The following ITGA4 variants were observed in gnomAD, a reference collection of about 807,000 sequenced individuals.
ITGA4 encodes integrin alpha-4.
A neutral mutation model predicts 133.6 loss-of-function variants in ITGA4; 63 were observed. That is an observed-to-expected ratio of 0.47 (90% CI 0.38 to 0.58). The LOEUF (loss-of-function observed/expected upper bound fraction) is 0.58. ITGA4 is among the 20% of genes least tolerant of loss of function. ITGA4 has a pLI of 0.00. For synonymous variants in ITGA4, 483 were observed against 438.0 expected (o/e 1.10, Z -1.28); for missense variants, 1,076 against 1,252.7 (o/e 0.86, Z 2.13).
intron 15 of ITGA4, among the ~76,000 whole-genome samples, chr2:181,504,481 T>C (rs1313227523): frequency 6.6e-6 from 1 of 152,084 alleles, no homozygotes; most frequent in Non-Finnish European, 1.5e-5. Flanking sequence ...TTTAATGAAA[T>C]GTCATTTACT....
chr2:181,514,738 A>G (rs1460259652), intron 17 of ITGA4, among the ~76,000 whole-genome samples: 1 of 152,044 alleles, frequency 6.6e-6, no homozygotes, highest in Non-Finnish European at 1.5e-5. Context: ...ATCACCTTTC[A>G]TTGCAGTCTC....
Position 181,495,997 on chromosome 2 carries a change from A to G in ITGA4, c.1540+60A>G, listed in dbSNP as rs1049639743. 14 of 1,545,922 alleles carry G rather than the reference A, an allele frequency of 9.1e-6. No homozygotes were observed. Among genetic ancestry groups the G allele is most frequent in the Middle Eastern group, 1.7e-4 (1 of 5,868 alleles). On this transcript the variant is annotated intron_variant, in intron 14 of 27. Coordinates refer to ENST00000397033, the MANE Select transcript of ITGA4 (RefSeq NM_000885.6). The surrounding 1 kb of genome is among the most constrained non-coding windows in gnomAD (Gnocchi z 4.3). ...GTGCGGTTCATTCATTAATCCCACA[A>G]TCCTGCTTGGAGCCCTCACCGGTTT... is the stretch of plus-strand genomic sequence containing the variant.
chr2:181,485,458 A>G (rs1239616869), intron 9 of ITGA4, among the ~76,000 whole-genome samples: 2 of 150,000 alleles, frequency 1.3e-5, no homozygotes, highest in African/African-American at 4.9e-5. Flanking sequence ...TCAGTCATTT[A>G]TATGCTTGTG....
In ITGA4 at chr2:181,494,782, C is replaced by A. The variant is rs201487429; in HGVS notation, c.1309C>A (p.Gln437Lys). Residue 437 changes from glutamine (Q) to lysine (K), a missense_variant, in exon 12 of 28, where the codon CAA becomes AAA. By Grantham distance (53) the Gln-to-Lys change is moderately conservative. Transcript: ENST00000397033. ...TATGTTTGGACAGTCTATATCAGGA[C>A]AAATTGATGCAGATAATAATGGCTA... is the stretch of plus-strand genomic sequence containing the variant. ...LSMFGQSISG[Q>K]IDADNNGYVD... 1 of 1,585,330 alleles carries A rather than the reference C, an allele frequency of 6.3e-7. No homozygotes were observed. The highest frequency in any genetic ancestry group is 8.7e-7 in the Non-Finnish European group (1 of 1,154,100).
intron 17 of ITGA4, among the ~76,000 whole-genome samples, chr2:181,519,466 GA>G (rs1339050513): frequency 6.6e-6 from 1 of 151,956 alleles, no homozygotes; most frequent in African/African-American, 2.4e-5. Context: ...GTTTAAAATA[GA>G]AAAAAAGAGG....
At chr2:181,486,113 TAA>T in intron 10 of ITGA4, 121 bp downstream of exon 10, 1 of 1,343,600 alleles carries the variant, frequency 7.4e-7, no homozygotes. Flanking sequence ...AATGGCATGC[TAA>T]GTTTTTTCTT....
chr2:181,479,663 T>C (rs1685761175), intron 5 of ITGA4: 1 of 152,156 alleles, frequency 6.6e-6, no homozygotes, highest in African/African-American at 2.4e-5. Flanking sequence ...TGGACTTTTT[T>C]CCCTAAGCTA....
chr2:181,480,136 G>A lies in ITGA4; in HGVS notation c.625-1G>A. ...TAATAATAGTTTTTTTTTTCTTACA[G>A]GATTTAATTGTGATGGGGGCCCCAG... On this transcript the variant is annotated splice_acceptor_variant, in intron 5 of 27. Transcript: ENST00000397033. LOFTEE classifies it high-confidence loss of function. 3 of 1,538,104 alleles carry A rather than the reference G, an allele frequency of 2.0e-6. No individual in the cohort carries two copies. Among genetic ancestry groups the A allele is most frequent in the Non-Finnish European group, 2.6e-6 (3 of 1,148,474 alleles).
intron 14 of ITGA4, 117 bp downstream of exon 14, chr2:181,496,054 G>A (rs1378254065): frequency 9.8e-7 from 1 of 1,019,952 alleles, no homozygotes; most frequent in Non-Finnish European, 1.5e-6. Flanking sequence ...GAGCGGGGGA[G>A]AGAAGCTACC....
intron 2 of ITGA4, among the ~76,000 whole-genome samples, chr2:181,461,785 G>T (rs1277021239): frequency 6.6e-6 from 1 of 152,136 alleles, no homozygotes; most frequent in African/African-American, 2.4e-5. Flanking sequence ...ATAGTCTAAA[G>T]TTATACAATT....
chr2:181,522,219 G>GT lies in ITGA4; in HGVS notation c.1953dup (p.Gly652TrpfsTer14). 1 of 1,592,554 alleles carries GT rather than the reference G, an allele frequency of 6.3e-7. No homozygotes were observed. Among genetic ancestry groups the GT allele is most frequent in the Non-Finnish European group, 8.6e-7 (1 of 1,166,900 alleles). ...CCATGAAAATAAAACATATCTTGCTGTTGGGAGTATGAAGACATTGATGTT... is the reference window on the plus strand; with the variant it reads ...CCATGAAAATAAAACATATCTTGCTGTTTGGGAGTATGAAGACATTGATGTT... On this transcript the variant is annotated frameshift_variant, in exon 18 of 28. Coordinates refer to ENST00000397033, the MANE Select transcript of ITGA4 (RefSeq NM_000885.6). LOFTEE classifies it high-confidence loss of function.
chr2:181,513,027 G>A (rs986048939), intron 17 of ITGA4, among the ~76,000 whole-genome samples: 64 of 152,038 alleles, frequency 4.2e-4, no homozygotes, highest in African/African-American at 1.3e-3. Flanking sequence ...GCATTTCACT[G>A]TTCACTTCCT....
intron 1 of ITGA4, 123 bp downstream of exon 1, chr2:181,457,974 A>C (rs1685168807): frequency 8.7e-7 from 1 of 1,154,510 alleles, no homozygotes; most frequent in Non-Finnish European, 1.2e-6. Context: ...AAACGCTGCG[A>C]GAGCCAGCTC....
rs1559040133 is a variant in ITGA4 at position 181,475,322 on chromosome 2, ATAAG to A, written c.556+40_556+43del. ...TGATTTTGATACGAATTAGATAAAG[ATAAG>A]TAAGTGAATACCTTTTAGTGTTTTA... On this transcript the variant is annotated intron_variant, in intron 4 of 27. Transcript: ENST00000397033. 9 of 1,542,108 alleles carry A rather than the reference ATAAG, an allele frequency of 5.8e-6. No individual in the cohort carries two copies. In the East Asian group the frequency reaches 1.1e-4, roughly 19 times the overall value.
intron 17 of ITGA4, among the ~76,000 whole-genome samples, chr2:181,521,097 A>AT (rs1686710575): frequency 6.6e-6 from 1 of 152,106 alleles, no homozygotes; most frequent in East Asian, 1.9e-4. Context: ...CTAGGTGGAT[A>AT]TTTATCTTTT....
chr2:181,480,094 T>C, intron 5 of ITGA4, 43 bp from the exon 6 acceptor site: 1 of 1,457,414 alleles, frequency 6.9e-7, no homozygotes, highest in Non-Finnish European at 9.2e-7. Flanking sequence ...TTTGGGGTGG[T>C]GAGATTAAAG....
chr2:181,518,796 A>C (rs1686661725), intron 17 of ITGA4, among the ~76,000 whole-genome samples: 1 of 152,030 alleles, frequency 6.6e-6, no homozygotes, highest in Non-Finnish European at 1.5e-5. Flanking sequence ...TTATATGGAA[A>C]TTCTAAAGTA....
chr2:181,475,120 C>T, intron 3 of ITGA4, 39 bp from the exon 4 acceptor site: 3 of 1,613,252 alleles, frequency 1.9e-6, no homozygotes, highest in Non-Finnish European at 2.5e-6. Flanking sequence ...ATCCTGGGTG[C>T]AGCTTTCACA....
At position 181,480,138 on chromosome 2, in the gene ITGA4, A is replaced by G; in HGVS notation, c.626A>G (p.Asp209Gly). 6.5e-7 allele frequency: 1 copy of G among 1,541,738 alleles called. No homozygotes were observed. The highest frequency in any genetic ancestry group is 8.7e-7 in the Non-Finnish European group (1 of 1,149,526). ...ATAATAGTTTTTTTTTTCTTACAGG[A>G]TTTAATTGTGATGGGGGCCCCAGGA... is the stretch of plus-strand genomic sequence containing the variant. ...QAGISSFYTK[D>G]LIVMGAPGSS... The change falls in exon 6 of 28, where the codon GAT becomes GGT. Residue 209 changes from aspartate (D) to glycine (G), a missense_variant and splice_region_variant. By Grantham distance (94) the Asp-to-Gly change is moderately conservative. This residue lies in a region of ITGA4 where 436 missense variants were observed against 590.7 expected (regional missense o/e 0.74). Coordinates refer to ENST00000397033, the MANE Select transcript of ITGA4 (RefSeq NM_000885.6).
Sources: gnomAD v4.1 joint callset for allele counts (sites outside exome capture counted in the v4.1 genomes callset) on GRCh38, gnomAD v4.1.1 for gene constraint, gnomAD v4.1.1 regional missense constraint, Gnocchi (gnomAD v3.1) non-coding constraint, MANE v1.5 for transcripts, NCBI Gene and HGNC (gene_info 2026-07-23, HGNC 2026-07-21) for gene names.